MEGF9: variants seen among roughly 807,000 people sequenced by gnomAD.
MEGF9 encodes the protein multiple epidermal growth factor-like domains protein 9.
MEGF9 carries 6 observed loss-of-function variants against 46.8 expected under a neutral mutation model. That is an observed-to-expected ratio of 0.13 (90% CI 0.07 to 0.25). The LOEUF is 0.25. Ranked by LOEUF, MEGF9 falls within the 10% of genes least tolerant of loss-of-function variation. MEGF9 has a pLI of 1.00. For missense variants in MEGF9, 683 were observed against 792.4 expected, an observed-to-expected ratio of 0.86 and a Z score of 1.66; for synonymous variants, 302 against 330.7, an observed-to-expected ratio of 0.91 and a Z score of 0.94.
intron 1 of MEGF9, among the ~76,000 whole-genome samples, chr9:120,677,611 T>C (rs578005575): frequency 1.6e-4 from 24 of 152,342 alleles, no homozygotes; most frequent in African/African-American, 5.1e-4. Flanking sequence ...GACACAATCA[T>C]GAGTTAGTAT....
At chr9:120,612,126 T>C (rs913557050) in intron 4 of MEGF9, among the ~76,000 whole-genome samples, 1 of 152,182 alleles carries the variant, frequency 6.6e-6, no homozygotes, top group Non-Finnish European at 1.5e-5. Context: ...AACTAATTAG[T>C]AAATGTTACC....
chr9:120,658,888 T>G (rs1394173545), intron 2 of MEGF9, among the ~76,000 whole-genome samples: 1 of 152,206 alleles, frequency 6.6e-6, no homozygotes, highest in Admixed American at 6.5e-5. Context: ...GTAAAACCAG[T>G]CTACTTACCA....
chr9:120,640,103 T>C lies in MEGF9; in HGVS notation c.804-17348A>G, dbSNP rs990626388. Among the ~76,000 whole-genome samples the C allele has an allele frequency of 4.6e-5, 7 of 152,252 alleles. No individual in the cohort carries two copies. The East Asian group carries it at 5.8e-4, about 13-fold the overall frequency. On this transcript the variant is annotated intron_variant, in intron 2 of 5. Coordinates refer to ENST00000373930, the MANE Select transcript of MEGF9 (RefSeq NM_001080497.3). The stretch of plus-strand genomic sequence containing the variant: ...CTCCAATGTTTCTGTATAAAAACTT[T>C]GGAAAATATAGATAAATCAAAAGAA...
At chr9:120,621,938 G>A (rs117345961) in intron 3 of MEGF9, among the ~76,000 whole-genome samples, 3,095 of 152,284 alleles carry the variant, frequency 0.02, 43 homozygotes, top group Non-Finnish European at 0.031. Flanking sequence ...AAAAGACTGT[G>A]AGAGATTTGT....
At chr9:120,656,283 C>T (rs543873062) in intron 2 of MEGF9, among the ~76,000 whole-genome samples, 13 of 152,234 alleles carry the variant, frequency 8.5e-5, no homozygotes, top group African/African-American at 3.1e-4. Context: ...CACGGTGGCT[C>T]ACACCTGTAA....
intron 2 of MEGF9, among the ~76,000 whole-genome samples, chr9:120,640,841 A>G (rs952263542): frequency 5.9e-5 from 9 of 151,298 alleles, no homozygotes; most frequent in Non-Finnish European, 1.2e-4. Context: ...TAGTTTTTCA[A>G]CCCTTTACCC....
intron 1 of MEGF9, among the ~76,000 whole-genome samples, chr9:120,682,600 T>C (rs925759356): frequency 6.6e-6 from 1 of 151,766 alleles, no homozygotes; most frequent in Non-Finnish European, 1.5e-5. Flanking sequence ...CGCACACACA[T>C]ATATTTGAAA....
At chr9:120,636,217 C>T (rs2043573508) in intron 2 of MEGF9, among the ~76,000 whole-genome samples, 1 of 152,206 alleles carries the variant, frequency 6.6e-6, no homozygotes, top group African/African-American at 2.4e-5. Flanking sequence ...GGATTACAGG[C>T]TTGAGCCACC....
At chr9:120,656,585 C>T (rs989164756) in intron 2 of MEGF9, among the ~76,000 whole-genome samples, 10 of 150,206 alleles carry the variant, frequency 6.7e-5, no homozygotes, top group South Asian at 2.1e-4. Flanking sequence ...TGAGATAATG[C>T]ACATCAAGTA....
chr9:120,620,331 CTT>C (rs1232663920), intron 3 of MEGF9, among the ~76,000 whole-genome samples: 2 of 152,080 alleles, frequency 1.3e-5, no homozygotes, highest in Non-Finnish European at 2.9e-5. Flanking sequence ...TGAAAATAAT[CTT>C]TCCTCTGTAC....
At chr9:120,700,101 C>T (rs1231878234) in intron 1 of MEGF9, among the ~76,000 whole-genome samples, 1 of 152,108 alleles carries the variant, frequency 6.6e-6, no homozygotes, top group Admixed American at 6.6e-5. Context: ...TCTGAGAAAG[C>T]CCAAAGTAGT....
intron 1 of MEGF9, among the ~76,000 whole-genome samples, chr9:120,687,319 C>A (rs913998631): frequency 7.2e-5 from 11 of 152,164 alleles, no homozygotes; most frequent in Admixed American, 4.6e-4. Context: ...CTGAGAACAA[C>A]TGAATCAGGA....
chr9:120,709,424 C>A (rs1183857742), intron 1 of MEGF9, among the ~76,000 whole-genome samples: 8 of 148,548 alleles, frequency 5.4e-5, no homozygotes, highest in Non-Finnish European at 7.5e-5. Flanking sequence ...AAAAAAAAAA[C>A]AAAAAACAAA....
chr9:120,617,832 A>C (rs922224289), intron 3 of MEGF9, among the ~76,000 whole-genome samples: 1 of 152,226 alleles, frequency 6.6e-6, no homozygotes, highest in Non-Finnish European at 1.5e-5. Context: ...GATTCAGGGT[A>C]TGTTTTGAAG....
At chr9:120,684,851 T>G (rs1282084055) in intron 1 of MEGF9, among the ~76,000 whole-genome samples, 1 of 151,892 alleles carries the variant, frequency 6.6e-6, no homozygotes, top group Admixed American at 6.6e-5. Flanking sequence ...TTTTTTTTTT[T>G]GAGACGGAGT....
chr9:120,612,326 A>G, intron 4 of MEGF9, 70 bp downstream of exon 4: 2 of 1,458,664 alleles, frequency 1.4e-6, no homozygotes, highest in Non-Finnish European at 1.8e-6. Flanking sequence ...TTATTCATCA[A>G]TGCAACTTAT....
At chr9:120,712,813 C>T (rs1256824747) in intron 1 of MEGF9, among the ~76,000 whole-genome samples, 2 of 152,222 alleles carry the variant, frequency 1.3e-5, no homozygotes, top group Non-Finnish European at 2.9e-5. Context: ...AAACTTTTGT[C>T]CAAACGTTCT....
chr9:120,605,895 C>T lies in MEGF9; in HGVS notation c.1358-254G>A, dbSNP rs1054307175. On this transcript the variant is annotated intron_variant, in intron 5 of 5. Transcript: ENST00000373930. This position sits in a 1 kb window ranked among gnomAD's most constrained non-coding sequence, Gnocchi z 4.0. The stretch of plus-strand genomic sequence containing the variant: ...AATATCTACATTAAAATCTTTGGGC[C>T]GGGCGTGGTGGCTCACACCTGTAAT... Among the ~76,000 whole-genome samples the T allele has an allele frequency of 2.6e-5, 4 of 151,990 alleles. No homozygotes were observed. The highest frequency in any genetic ancestry group is 3.9e-4 in the East Asian group (2 of 5,186).
chr9:120,672,727 T>G lies in MEGF9; in HGVS notation c.602-13152A>C, dbSNP rs749656334. On this transcript the variant is annotated intron_variant, in intron 1 of 5. Coordinates refer to ENST00000373930, the MANE Select transcript of MEGF9 (RefSeq NM_001080497.3). Reference sequence around the variant, plus strand: ...AATTCCTAGAACTAATAAATGACATTAATAAGGTTGCAAGGGCTGGGCCCA... The same window carrying G: ...AATTCCTAGAACTAATAAATGACATGAATAAGGTTGCAAGGGCTGGGCCCA... 7.9e-5 allele frequency among the ~76,000 whole-genome samples: 12 copies of G among 152,082 alleles called. 1 individual carries two copies. The highest frequency in any genetic ancestry group is 7.9e-4 in the Admixed American group (12 of 15,268).
Sources: gnomAD v4.1 joint callset for allele counts (sites outside exome capture counted in the v4.1 genomes callset) on GRCh38, gnomAD v4.1.1 for gene constraint, Gnocchi (gnomAD v3.1) non-coding constraint, MANE v1.5 for transcripts, NCBI Gene and HGNC (gene_info 2026-07-23, HGNC 2026-07-21) for gene names.